NEK10: variants seen among roughly 807,000 people sequenced by gnomAD.
NEK10 encodes NIMA related kinase 10.
In NEK10, 122 loss-of-function variants were observed where a neutral mutation model predicts 159.8. The ratio of observed to expected loss-of-function variants is 0.76; its 90% CI spans 0.66 to 0.89. NEK10 has a LOEUF of 0.89. Among genes scored for constraint, NEK10 ranks in the 40% least tolerant of loss-of-function variants. NEK10 has a pLI of 0.00. For missense variants in NEK10, 1,342 were observed against 1,323.1 expected, an observed-to-expected ratio of 1.01 and a Z score of -0.22; for synonymous variants, 466 against 457.1, an observed-to-expected ratio of 1.02 and a Z score of -0.25.
intron 1 of NEK10, among the ~76,000 whole-genome samples, chr3:27,359,614 T>C (rs1227257033): frequency 6.6e-6 from 1 of 152,168 alleles, no homozygotes; most frequent in African/African-American, 2.4e-5. Flanking sequence ...AGATAAAAAG[T>C]CACATAGAGC....
At chr3:27,279,922 C>A (rs1256358176) in intron 22 of NEK10, among the ~76,000 whole-genome samples, 7 of 152,074 alleles carry the variant, frequency 4.6e-5, no homozygotes, top group African/African-American at 1.7e-4. Context: ...GTAATCCCAG[C>A]ACTTTGGGAG....
rs368368476 is a variant in NEK10 at position 27,119,757 on chromosome 3, T to C, written c.3190+3A>G. On this transcript the variant is annotated splice_donor_region_variant and intron_variant, in intron 33 of 35. Transcript: ENST00000691995. ...CCAGGTTACCCATGTTGATCACTAT[T>C]ACCTGTAGGGTCATTTGGGGACAGG... is the stretch of plus-strand genomic sequence containing the variant. 1 of 1,605,522 alleles carries C rather than the reference T, an allele frequency of 6.2e-7. No homozygotes were observed. The highest frequency in any genetic ancestry group is 1.3e-5 in the African/African-American group (1 of 74,720).
chr3:27,177,344 T>A (rs2148896879), intron 26 of NEK10, among the ~76,000 whole-genome samples: 1 of 151,970 alleles, frequency 6.6e-6, no homozygotes, highest in Middle Eastern at 3.4e-3. Context: ...GAGATCAAGA[T>A]CATCCTGGCT....
At chr3:27,209,668 C>G (rs910657411) in intron 23 of NEK10, among the ~76,000 whole-genome samples, 8 of 152,136 alleles carry the variant, frequency 5.3e-5, no homozygotes, top group African/African-American at 1.7e-4. Flanking sequence ...ATCAGAATAG[C>G]CTCCTTAGTC....
intron 23 of NEK10, among the ~76,000 whole-genome samples, chr3:27,235,794 A>T (rs975151529): frequency 7.2e-5 from 11 of 152,194 alleles, no homozygotes; most frequent in Admixed American, 7.2e-4. Context: ...TTGTTCTATT[A>T]TAAAGAAACA....
chr3:27,163,708 C>G (rs528182701), intron 29 of NEK10, among the ~76,000 whole-genome samples: 3 of 152,134 alleles, frequency 2.0e-5, no homozygotes, highest in African/African-American at 7.2e-5. Flanking sequence ...TGTGCCCTGA[C>G]AAGTTGTAAG....
At position 27,291,391 on chromosome 3, in the gene NEK10, C is replaced by T. The variant is rs1317777631; in HGVS notation, c.1477-1G>A. The T allele has an allele frequency of 1.2e-6, 2 of 1,611,004 alleles. No homozygotes were observed. Among genetic ancestry groups the T allele is most frequent in the Admixed American group, 3.4e-5 (2 of 59,556 alleles). ...CAGCAATTTGCTTCAGTTCATCCTC[C>T]TAATCAAAATATAAAAAGGAAATGG... is the stretch of plus-strand genomic sequence containing the variant. On this transcript the variant is annotated splice_acceptor_variant, in intron 17 of 35. Coordinates refer to ENST00000691995, the MANE Select transcript of NEK10 (RefSeq NM_001394966.1). LOFTEE classifies it high-confidence loss of function.
Position 27,187,585 on chromosome 3 carries a change from G to A in NEK10, c.2505+4444C>T, listed in dbSNP as rs1365325979. 2.6e-5 allele frequency among the ~76,000 whole-genome samples: 4 copies of A among 152,040 alleles called. No individual in the cohort carries two copies. In the East Asian group the frequency reaches 7.7e-4, roughly 29 times the overall value. On this transcript the variant is annotated intron_variant, in intron 26 of 35. Transcript: ENST00000691995. ...GAGAAAATGAGGAAGAGTATTCAAAGAGAGAAGACAGAAACCAGGACAGAG... is the reference window on the plus strand; with the variant it reads ...GAGAAAATGAGGAAGAGTATTCAAAAAGAGAAGACAGAAACCAGGACAGAG...
rs551052732 is a variant in NEK10 at position 27,274,449 on chromosome 3, G to A, written c.2014+10153C>T. 2.7e-4 allele frequency among the ~76,000 whole-genome samples: 41 copies of A among 152,210 alleles called. 1 individual carries two copies. The highest frequency in any genetic ancestry group is 8.3e-4 in the South Asian group (4 of 4,818). On this transcript the variant is annotated intron_variant, in intron 22 of 35. Transcript: ENST00000691995. Reference sequence around the variant, plus strand: ...GACTCAAATAGACACTGTATCTGGGGTTAATGGGAAGTAAACCACAGAGGG... The same window carrying A: ...GACTCAAATAGACACTGTATCTGGGATTAATGGGAAGTAAACCACAGAGGG...
At chr3:27,228,669 T>G (rs1185468283) in intron 23 of NEK10, among the ~76,000 whole-genome samples, 1 of 152,050 alleles carries the variant, frequency 6.6e-6, no homozygotes, top group Non-Finnish European at 1.5e-5. Context: ...CTGGAACAAT[T>G]TAGAATGATT....
At chr3:27,302,380 C>A (rs564965992) in intron 12 of NEK10, among the ~76,000 whole-genome samples, 2 of 152,056 alleles carry the variant, frequency 1.3e-5, no homozygotes, top group Admixed American at 1.3e-4. Flanking sequence ...GCTTACCCTA[C>A]ATTTTACTAT....
intron 5 of NEK10, among the ~76,000 whole-genome samples, chr3:27,322,904 T>C (rs1404596311): frequency 2.0e-5 from 3 of 152,236 alleles, no homozygotes; most frequent in Admixed American, 1.3e-4. Flanking sequence ...CTGATGGATG[T>C]TGAGTAGCAC....
intron 23 of NEK10, among the ~76,000 whole-genome samples, chr3:27,213,798 C>CA (rs1328591006): frequency 1.3e-5 from 2 of 151,978 alleles, no homozygotes; most frequent in African/African-American, 4.8e-5. Context: ...TGAAAAAAAT[C>CA]AAAGTATTTT....
intron 23 of NEK10, among the ~76,000 whole-genome samples, chr3:27,218,773 G>C (rs1252909053): frequency 7.0e-6 from 1 of 142,976 alleles, no homozygotes; most frequent in African/African-American, 2.5e-5. Flanking sequence ...CTTAGTAAAT[G>C]CAGACAAGAG....
intron 23 of NEK10, among the ~76,000 whole-genome samples, chr3:27,219,845 A>T (rs1951910530): frequency 6.6e-6 from 1 of 152,234 alleles, no homozygotes; most frequent in African/African-American, 2.4e-5. Context: ...TTCACAAAAA[A>T]ATTACAGCTA....
chr3:27,319,066 T>C (rs1575728102), intron 6 of NEK10, among the ~76,000 whole-genome samples: 1 of 152,202 alleles, frequency 6.6e-6, no homozygotes, highest in Admixed American at 6.5e-5. Flanking sequence ...TGTCTCCTGC[T>C]AAAAACAGGT....
chr3:27,256,065 A>G (rs1274164583), intron 23 of NEK10, among the ~76,000 whole-genome samples: 1 of 152,186 alleles, frequency 6.6e-6, no homozygotes, highest in African/African-American at 2.4e-5. Context: ...GATATAAGTA[A>G]TCCCCATGAG....
chr3:27,205,205 A>G (rs1950430982), intron 23 of NEK10, among the ~76,000 whole-genome samples: 1 of 151,646 alleles, frequency 6.6e-6, no homozygotes, highest in African/African-American at 2.4e-5. Flanking sequence ...AGGAAATAAA[A>G]GAGGATACAA....
chr3:27,285,089 T>C (rs1032137098), intron 20 of NEK10, 128 bp from the exon 21 acceptor site: 7 of 694,052 alleles, frequency 1.0e-5, no homozygotes, highest in Non-Finnish European at 1.4e-5. Flanking sequence ...TTAGGGATGA[T>C]GTGCTAAAAT....
Sources: allele counts gnomAD v4.1 joint callset (sites outside exome capture counted in the v4.1 genomes callset), GRCh38; gene constraint gnomAD v4.1.1; transcripts MANE v1.5; gene names NCBI Gene and HGNC (gene_info 2026-07-23, HGNC 2026-07-21).